ZNF76: variants seen among roughly 807,000 people sequenced by gnomAD.
The protein encoded by ZNF76 is zinc finger protein 76.
In ZNF76, 66 loss-of-function variants were observed where a neutral mutation model predicts 66.9. The observed-to-expected ratio is 0.99, with a 90% CI of 0.81 to 1.21. The LOEUF (loss-of-function observed/expected upper bound fraction) is 1.21. Among genes scored for constraint, ZNF76 ranks in the 50% most tolerant of loss-of-function variants. ZNF76 has a pLI of 0.00. For synonymous variants in ZNF76, 275 were observed against 296.1 expected (o/e 0.93, Z 0.73); for missense variants, 729 against 760.3 (o/e 0.96, Z 0.48).
At chr6:35,293,150 CTTGT>C (rs1790682262) in intron 11 of ZNF76, 106 bp downstream of exon 11, 3 of 1,381,708 alleles carry the variant, frequency 2.2e-6, no homozygotes, top group Non-Finnish European at 2.9e-6. Flanking sequence ...CACCCAGCTT[CTTGT>C]TTAAGTTTTA....
intron 1 of ZNF76, among the ~76,000 whole-genome samples, chr6:35,264,396 G>C (rs1312296043): frequency 6.6e-6 from 1 of 152,166 alleles, no homozygotes; most frequent in African/African-American, 2.4e-5. Context: ...CAGCATCAGG[G>C]GCTGTCTTAT....
chr6:35,263,442 A>G (rs1182435051), intron 1 of ZNF76, among the ~76,000 whole-genome samples: 4 of 152,240 alleles, frequency 2.6e-5, no homozygotes, highest in Non-Finnish European at 4.4e-5. Flanking sequence ...TGAAGTCTGA[A>G]GAGTCAGTAG....
At chr6:35,273,493 C>T (rs1787442109) in intron 1 of ZNF76, among the ~76,000 whole-genome samples, 1 of 151,596 alleles carries the variant, frequency 6.6e-6, no homozygotes, top group African/African-American at 2.4e-5. Flanking sequence ...TTTTAAAGCC[C>T]AAGTCAGGGC....
chr6:35,277,515 A>G (rs542087802), intron 1 of ZNF76, among the ~76,000 whole-genome samples: 1 of 152,374 alleles, frequency 6.6e-6, no homozygotes, highest in East Asian at 1.9e-4. Flanking sequence ...ACTCTGGATT[A>G]AATGGCCTAG....
intron 2 of ZNF76, among the ~76,000 whole-genome samples, chr6:35,283,242 T>C (rs1399632234): frequency 6.6e-6 from 1 of 152,230 alleles, no homozygotes; most frequent in Non-Finnish European, 1.5e-5. Context: ...TGTTGCAGTG[T>C]GCACTTACAC....
At chr6:35,273,027 G>A (rs963477160) in intron 1 of ZNF76, among the ~76,000 whole-genome samples, 3 of 151,866 alleles carry the variant, frequency 2.0e-5, no homozygotes, top group Non-Finnish European at 2.9e-5. Flanking sequence ...CTGGTGGCGC[G>A]CACCTGTAAT....
intron 5 of ZNF76, chr6:35,288,320 A>T (rs1225858981): frequency 2.7e-6 from 1 of 363,988 alleles, no homozygotes; most frequent in Non-Finnish European, 5.4e-6. Context: ...TGACAAGGGC[A>T]TGTGCAACAG....
chr6:35,283,170 A>G (rs1256535512), intron 2 of ZNF76, among the ~76,000 whole-genome samples: 1 of 152,110 alleles, frequency 6.6e-6, no homozygotes, highest in Non-Finnish European at 1.5e-5. Context: ...CCTTATATCT[A>G]TCCTTCTTAC....
chr6:35,259,568 C>T (rs1211880598), upstream of ZNF76: 5 of 152,258 alleles, frequency 3.3e-5, no homozygotes, highest in African/African-American at 1.2e-4. Context: ...GCCTGGGCTC[C>T]AGGAGCCCCG....
At position 35,292,452 on chromosome 6, in the gene ZNF76, C is replaced by A; in HGVS notation, c.932-102C>A. The A allele has an allele frequency of 8.2e-7, 1 of 1,217,282 alleles. No homozygotes were observed. Among genetic ancestry groups the A allele is most frequent in the Non-Finnish European group, 1.2e-6 (1 of 845,760 alleles). 75.4% of individuals were successfully genotyped at this position (1,217,282 alleles called of 1,614,324 possible). A position where few individuals can be genotyped will look rare whatever the true frequency, so the allele number is the denominator to read the frequency against. ...TCTCAGGTCTCAGTCCCTCTCCCTC[C>A]CTCTGGCTCTCCCTTCACCAACCCT... On this transcript the variant is annotated intron_variant, in intron 9 of 13. Transcript: ENST00000373953. The surrounding 1 kb of genome is among the most constrained non-coding windows in gnomAD (Gnocchi z 4.7).
intron 1 of ZNF76, chr6:35,279,418 ATTTTTTTTTTTT>A (rs756428054): frequency 3.9e-5 from 4 of 101,564 alleles, no homozygotes; most frequent in African/African-American, 1.4e-4. Context: ...AATACCTTCA[ATTTTTTTTTTTT>A]TTTTTTTTTT....
intron 1 of ZNF76, chr6:35,279,094 G>A (rs1213218009): frequency 6.6e-6 from 1 of 152,352 alleles, no homozygotes; most frequent in African/African-American, 2.4e-5. Flanking sequence ...CTATGGAAGG[G>A]TTTTAGTCAA....
At chr6:35,262,404 T>G (rs1428319895) in intron 1 of ZNF76, among the ~76,000 whole-genome samples, 1 of 152,204 alleles carries the variant, frequency 6.6e-6, no homozygotes, top group Non-Finnish European at 1.5e-5. Flanking sequence ...TTTGGAGTAG[T>G]GTCTTGAACC....
chr6:35,294,149 A>G (rs1790846322), intron 12 of ZNF76: 3 of 602,200 alleles, frequency 5.0e-6, no homozygotes, highest in Non-Finnish European at 8.7e-6. Context: ...TTGTTGTGCA[A>G]CCTTAGGCAA....
intron 4 of ZNF76, chr6:35,286,724 C>A: frequency 2.4e-6 from 1 of 414,402 alleles, no homozygotes; most frequent in East Asian, 4.4e-5. Context: ...GGAAAAAAAA[C>A]TAATATTTTA....
chr6:35,291,066 A>G (rs1027621384), intron 7 of ZNF76: 2 of 626,310 alleles, frequency 3.2e-6, no homozygotes, highest in South Asian at 4.1e-5. Context: ...GTTTCTTTTC[A>G]TGCTCATGTT....
chr6:35,268,582 A>G (rs1275801593), intron 1 of ZNF76, among the ~76,000 whole-genome samples: 1 of 152,116 alleles, frequency 6.6e-6, no homozygotes, highest in Non-Finnish European at 1.5e-5. Context: ...TGGGCAGATC[A>G]CGAAGTCAGG....
rs1489878772 is a variant in ZNF76 at position 35,287,067 on chromosome 6, A to C, written c.233-579A>C. ...CAGTACTTCAGGCAGAAGGAATAGC[A>C]TGTGCAGGCCTAGAGCTGGGGGGAA... On this transcript the variant is annotated intron_variant, in intron 4 of 13. Coordinates refer to ENST00000373953, the MANE Select transcript of ZNF76 (RefSeq NM_003427.5). The surrounding 1 kb of genome is among the most constrained non-coding windows in gnomAD (Gnocchi z 4.0). Among the ~76,000 whole-genome samples, 1 of 152,262 alleles carries C rather than the reference A, an allele frequency of 6.6e-6. No homozygotes were observed. The highest frequency in any genetic ancestry group is 1.5e-5 in the Non-Finnish European group (1 of 68,016).
rs140950744 is a variant in ZNF76, at chr6:35,286,324, G to T, written c.157G>T (p.Ala53Ser). ...YIHQVTVQKE[A>S]LSFEDGQPVQ... ...GGCAGGCATTGCTCTCGTTACAGAA[G>T]CTCTCTCCTTTGAGGATGGTCAGCC... The change falls in exon 4 of 14, where the codon GCT becomes TCT. Residue 53 changes from alanine to serine, a missense_variant and splice_region_variant. Ala to Ser is a moderately conservative substitution (Grantham distance 99). Transcript: ENST00000373953. 2 of 1,614,222 alleles carry T rather than the reference G, an allele frequency of 1.2e-6. No individual in the cohort carries two copies. The highest frequency in any genetic ancestry group is 1.7e-6 in the Non-Finnish European group (2 of 1,180,030).
Sources: allele counts gnomAD v4.1 joint callset (sites outside exome capture counted in the v4.1 genomes callset), GRCh38; gene constraint gnomAD v4.1.1; non-coding constraint Gnocchi (gnomAD v3.1); transcripts MANE v1.5; gene names NCBI Gene and HGNC (gene_info 2026-07-23, HGNC 2026-07-21).